TEN1: variants seen among roughly 807,000 people sequenced by gnomAD.
The protein encoded by TEN1 is CST complex subunit TEN1.
In TEN1, 6 loss-of-function variants were observed where a neutral mutation model predicts 9.3. The ratio of observed to expected loss-of-function variants is 0.65; its 90% confidence interval spans 0.35 to 1.27. The LOEUF is 1.27. Ranked by LOEUF, TEN1 falls within the 50% of genes most tolerant of loss-of-function variation. TEN1 has a pLI of 0.03. For synonymous variants in TEN1, 65 were observed against 65.6 expected, an observed-to-expected ratio of 0.99 and a Z score of 0.04; for missense variants, 149 against 158.2, an observed-to-expected ratio of 0.94 and a Z score of 0.31.
intron 1 of TEN1, among the ~76,000 whole-genome samples, chr17:75,980,848 T>A (rs766193492): frequency 3.3e-5 from 5 of 152,210 alleles, no homozygotes; most frequent in Non-Finnish European, 7.3e-5. Flanking sequence ...GACCTCAGGA[T>A]CCTCATTTGT....
At chr17:75,998,439 C>A (rs1030169837) in intron 3 of TEN1, among the ~76,000 whole-genome samples, 1 of 152,072 alleles carries the variant, frequency 6.6e-6, no homozygotes, top group Non-Finnish European at 1.5e-5. Flanking sequence ...GGAGCCACCG[C>A]GCCACGCCCC....
At chr17:75,980,039 T>G (rs2144335801) in intron 1 of TEN1, among the ~76,000 whole-genome samples, 1 of 152,142 alleles carries the variant, frequency 6.6e-6, no homozygotes, top group South Asian at 2.1e-4. Context: ...ACACTTACTG[T>G]TAAAACCTAG....
chr17:75,980,815 T>C (rs955444389), intron 1 of TEN1, among the ~76,000 whole-genome samples: 3 of 152,196 alleles, frequency 2.0e-5, no homozygotes, highest in Non-Finnish European at 4.4e-5. Flanking sequence ...AATAGAACTA[T>C]AATACACACT....
At chr17:75,990,891 T>G (rs2066180447) in intron 2 of TEN1, among the ~76,000 whole-genome samples, 1 of 151,368 alleles carries the variant, frequency 6.6e-6, no homozygotes, top group African/African-American at 2.4e-5. Context: ...GGCTCATGCC[T>G]GTAATCCCAG....
Position 75,998,981 on chromosome 17 carries a change from G to C in TEN1, c.251-1160G>C, listed in dbSNP as rs1736413032. On this transcript the variant is annotated intron_variant, in intron 3 of 3. Coordinates refer to ENST00000397640, the MANE Select transcript of TEN1 (RefSeq NM_001113324.3). ...TTAAAGTGCTCAGAGAGCAGAAAGA[G>C]CATGAGTGCAAAAAATTTTTTTAAC... Among the ~76,000 whole-genome samples the C allele has an allele frequency of 4.0e-5, 6 of 151,836 alleles. No homozygotes were observed. In the South Asian group the frequency reaches 1.2e-3, roughly 32 times the overall value.
At position 76,000,088 on chromosome 17, in the gene TEN1, C is replaced by CGTTGTTGACACGCCGCTCA; in HGVS notation, c.251-50_251-32dup. ...AACAGCTGGAATGCACCTTGGAGGA[C>CGTTGTTGACACGCCGCTCA]GTTGTTGACACGCCGCTCAGTCGCC... On this transcript the variant is annotated intron_variant, in intron 3 of 3. Transcript: ENST00000397640. The surrounding 1 kb of genome is among the most constrained non-coding windows in gnomAD (Gnocchi z 5.9). 6.5e-7 allele frequency: 1 copy of CGTTGTTGACACGCCGCTCA among 1,535,812 alleles called. No homozygotes were observed. Among genetic ancestry groups the CGTTGTTGACACGCCGCTCA allele is most frequent in the Non-Finnish European group, 8.8e-7 (1 of 1,136,642 alleles).
rs145970812 is a variant in TEN1, at chr17:75,994,177, G to A, written c.250+2554G>A. On this transcript the variant is annotated intron_variant, in intron 3 of 3. Coordinates refer to ENST00000397640, the MANE Select transcript of TEN1 (RefSeq NM_001113324.3). ...TCGCTGGGCGCGGTGGCTCACACCT[G>A]TAATCCTAGCACTTTGGGAGGCTAA... is the stretch of plus-strand genomic sequence containing the variant. 5.1e-3 allele frequency among the ~76,000 whole-genome samples: 771 copies of A among 152,080 alleles called. 8 individuals carry two copies. The highest frequency in any genetic ancestry group is 0.016 in the African/African-American group (685 of 41,518).
At chr17:75,992,809 T>G (rs1485197391) in intron 3 of TEN1, among the ~76,000 whole-genome samples, 1 of 150,256 alleles carries the variant, frequency 6.7e-6, no homozygotes, top group Non-Finnish European at 1.5e-5. Flanking sequence ...ACCGTTTTTT[T>G]TTTTTTTTTT....
chr17:75,995,174 T>C (rs1008534841), intron 3 of TEN1, among the ~76,000 whole-genome samples: 2 of 151,178 alleles, frequency 1.3e-5, no homozygotes, highest in Non-Finnish European at 2.9e-5. Flanking sequence ...TGAGCCAAGA[T>C]TGCTCTACTG....
At chr17:75,982,779 C>G (rs1255709880) in intron 1 of TEN1, among the ~76,000 whole-genome samples, 1 of 151,494 alleles carries the variant, frequency 6.6e-6, no homozygotes, top group Admixed American at 6.6e-5. Flanking sequence ...GGCATGATCT[C>G]GGCTCACTGC....
At chr17:75,998,548 T>C (rs1025479596) in intron 3 of TEN1, among the ~76,000 whole-genome samples, 13 of 152,280 alleles carry the variant, frequency 8.5e-5, no homozygotes, top group South Asian at 8.3e-4. Context: ...GGGTAGCCTG[T>C]ATAGACAGCT....
chr17:75,993,440 G>A (rs1567898209), intron 3 of TEN1, among the ~76,000 whole-genome samples: 3 of 152,014 alleles, frequency 2.0e-5, no homozygotes, highest in African/African-American at 4.8e-5. Context: ...GCGAATGAAC[G>A]CAGGAGAAAT....
intron 3 of TEN1, among the ~76,000 whole-genome samples, chr17:75,999,444 G>A (rs1294028466): frequency 6.6e-6 from 1 of 152,104 alleles, no homozygotes; most frequent in Non-Finnish European, 1.5e-5. Context: ...CTGGGTTCAA[G>A]CAATTCTCCT....
intron 3 of TEN1, among the ~76,000 whole-genome samples, chr17:75,997,426 T>A (rs537484538): frequency 6.6e-6 from 1 of 152,008 alleles, no homozygotes; most frequent in Non-Finnish European, 1.5e-5. Context: ...TCTCCTCCCC[T>A]GTCCCTCCCG....
chr17:75,994,639 G>A (rs973241922), intron 3 of TEN1, among the ~76,000 whole-genome samples: 8 of 151,532 alleles, frequency 5.3e-5, no homozygotes, highest in African/African-American at 1.9e-4. Context: ...CACTGTGCCT[G>A]GCTAAGTTTT....
intron 2 of TEN1, among the ~76,000 whole-genome samples, chr17:75,986,935 C>A (rs1386742574): frequency 6.6e-6 from 1 of 151,980 alleles, no homozygotes; most frequent in Admixed American, 6.6e-5. Flanking sequence ...TACATATATA[C>A]TCTGTCAGTT....
At chr17:75,982,930 C>T (rs565886968) in intron 1 of TEN1, among the ~76,000 whole-genome samples, 1 of 147,714 alleles carries the variant, frequency 6.8e-6, no homozygotes, top group African/African-American at 2.5e-5. Flanking sequence ...AGGCTAGTCT[C>T]GAACTCCTGA....
chr17:75,981,361 G>T (rs2066118153), intron 1 of TEN1, among the ~76,000 whole-genome samples: 1 of 151,914 alleles, frequency 6.6e-6, no homozygotes, highest in African/African-American at 2.4e-5. Context: ...TAATTTTTGT[G>T]TCTTTATTAG....
chr17:75,983,723 GT>G (rs2066136286), intron 1 of TEN1, among the ~76,000 whole-genome samples: 1 of 152,136 alleles, frequency 6.6e-6, no homozygotes, highest in South Asian at 2.1e-4. Flanking sequence ...GGAAGGGGTG[GT>G]GGCAGCTAGG....
Sources: gnomAD v4.1 joint callset for allele counts (sites outside exome capture counted in the v4.1 genomes callset) on GRCh38, gnomAD v4.1.1 for gene constraint, Gnocchi (gnomAD v3.1) non-coding constraint, MANE v1.5 for transcripts, NCBI Gene and HGNC (gene_info 2026-07-23, HGNC 2026-07-21) for gene names.